The following CCDC178 variants were observed in gnomAD, a reference collection of about 807,000 sequenced individuals.
The protein encoded by CCDC178 is coiled-coil domain containing 178.
Under a neutral mutation model 117.4 loss-of-function variants are expected in CCDC178, and 126 were observed. That is an observed-to-expected ratio of 1.07 (90% CI 0.93 to 1.24). The LOEUF (loss-of-function observed/expected upper bound fraction) is 1.24, where lower values mean the gene tolerates loss of function less well. Ranked by LOEUF, CCDC178 falls within the 50% of genes most tolerant of loss-of-function variation. The probability of loss-of-function intolerance (pLI) is 0.00; values close to 1 mark genes in which losing one functional copy is unlikely to be tolerated. For synonymous variants in CCDC178, 283 were observed against 313.4 expected, an observed-to-expected ratio of 0.90 and a Z score of 1.02; for missense variants, 1,030 against 986.9, an observed-to-expected ratio of 1.04 and a Z score of -0.59.
chr18:33,158,681 A>G (rs922277755), intron 20 of CCDC178, among the ~76,000 whole-genome samples: 3 of 152,036 alleles, frequency 2.0e-5, no homozygotes, highest in Admixed American at 6.6e-5. Context: ...CTTTATTTCA[A>G]AGACAATGAT....
At chr18:33,421,799 G>A (rs974681414) in intron 2 of CCDC178, among the ~76,000 whole-genome samples, 2 of 152,150 alleles carry the variant, frequency 1.3e-5, no homozygotes, top group Non-Finnish European at 2.9e-5. Flanking sequence ...ACAGGGATAT[G>A]AGAATGAATA....
intron 21 of CCDC178, among the ~76,000 whole-genome samples, chr18:33,054,540 C>A (rs533906147): frequency 6.6e-6 from 1 of 152,134 alleles, no homozygotes; most frequent in Non-Finnish European, 1.5e-5. Context: ...TCTCTTCCTG[C>A]GTTAGTTTGA....
Position 33,150,458 on chromosome 18 carries a change from G to T in CCDC178, c.2239-57548C>A, listed in dbSNP as rs573557915. ...AACAGAATAAACAGACAATCTTGTG[G>T]GAGAAAATATTAGCAAACTATGCAT... On this transcript the variant is annotated intron_variant, in intron 20 of 22. Transcript: ENST00000383096. Among the ~76,000 whole-genome samples, 5 of 152,208 alleles carry T rather than the reference G, an allele frequency of 3.3e-5. No individual in the cohort carries two copies. In the South Asian group the frequency reaches 1.0e-3, roughly 32 times the overall value.
At chr18:33,317,253 C>T (rs922167735) in intron 11 of CCDC178, among the ~76,000 whole-genome samples, 7 of 152,080 alleles carry the variant, frequency 4.6e-5, no homozygotes, top group African/African-American at 1.2e-4. Context: ...AACGAGACCA[C>T]GAACCCACCA....
intron 20 of CCDC178, among the ~76,000 whole-genome samples, chr18:33,128,665 C>T (rs1446229495): frequency 1.3e-5 from 2 of 152,090 alleles, no homozygotes. Flanking sequence ...TCGAGATGTC[C>T]ATGACTGTGA....
chr18:33,408,552 G>A (rs2063811157), intron 3 of CCDC178, among the ~76,000 whole-genome samples: 1 of 151,806 alleles, frequency 6.6e-6, no homozygotes, highest in Admixed American at 6.6e-5. Context: ...ATGAGATTTG[G>A]AAGAGATGAG....
At chr18:33,154,156 A>T (rs532058835) in intron 20 of CCDC178, among the ~76,000 whole-genome samples, 20 of 152,300 alleles carry the variant, frequency 1.3e-4, no homozygotes, top group African/African-American at 4.8e-4. Flanking sequence ...AACAAAATAT[A>T]TGAAGGCACT....
Position 33,259,654 on chromosome 18 carries a change from C to A in CCDC178, c.1409+7262G>T, listed in dbSNP as rs1013257597. The stretch of plus-strand genomic sequence containing the variant: ...GTCTGCCCCCATGATTCAATCACCC[C>A]CCCCCACCAGTCCCTCTCCCAACAT... On this transcript the variant is annotated intron_variant, in intron 14 of 22. Coordinates refer to ENST00000383096, the MANE Select transcript of CCDC178 (RefSeq NM_001105528.4). 2.6e-5 allele frequency among the ~76,000 whole-genome samples: 4 copies of A among 152,208 alleles called. No homozygotes were observed. The South Asian group carries it at 8.3e-4, about 32-fold the overall frequency.
intron 21 of CCDC178, among the ~76,000 whole-genome samples, chr18:33,021,354 G>T (rs1191014385): frequency 6.6e-6 from 1 of 151,772 alleles, no homozygotes; most frequent in Non-Finnish European, 1.5e-5. Context: ...CATTTTCATT[G>T]TTACTGACTC....
intron 22 of CCDC178, chr18:32,954,204 C>T (rs990287847): frequency 2.0e-5 from 3 of 152,156 alleles, no homozygotes; most frequent in African/African-American, 7.2e-5. Context: ...TTCCTGAATA[C>T]TATCTCAGGT....
At chr18:33,215,790 T>A in intron 18 of CCDC178, 95 bp from the exon 19 acceptor site, 2 of 953,470 alleles carry the variant, frequency 2.1e-6, no homozygotes, top group Non-Finnish European at 3.0e-6. Context: ...TGTGAACAAC[T>A]AAAAGTTAAT....
At chr18:33,121,249 G>A (rs564693873) in intron 20 of CCDC178, among the ~76,000 whole-genome samples, 6 of 152,240 alleles carry the variant, frequency 3.9e-5, no homozygotes, top group South Asian at 2.1e-4. Flanking sequence ...AATGGGTAGC[G>A]TCAAAGGGCA....
At chr18:33,312,272 T>C (rs1202627220) in intron 11 of CCDC178, among the ~76,000 whole-genome samples, 1 of 152,068 alleles carries the variant, frequency 6.6e-6, no homozygotes, top group African/African-American at 2.4e-5. Flanking sequence ...TCAGTCCCCC[T>C]TTGCTTTCAA....
intron 21 of CCDC178, among the ~76,000 whole-genome samples, chr18:33,067,364 A>C (rs983324799): frequency 6.6e-6 from 1 of 152,228 alleles, no homozygotes; most frequent in Non-Finnish European, 1.5e-5. Context: ...CAGTGCTAAG[A>C]GGGAAGTTTA....
At chr18:33,209,548 C>CAT (rs1331961251) in intron 20 of CCDC178, among the ~76,000 whole-genome samples, 1 of 152,048 alleles carries the variant, frequency 6.6e-6, no homozygotes, top group African/African-American at 2.4e-5. Flanking sequence ...CTTTACATTA[C>CAT]ATACACATTT....
chr18:33,368,732 T>G (rs1270280451), intron 6 of CCDC178, among the ~76,000 whole-genome samples: 2 of 151,908 alleles, frequency 1.3e-5, no homozygotes, highest in East Asian at 3.9e-4. Flanking sequence ...TCCCTATCTA[T>G]CAATTAGGTA....
chr18:33,221,686 T>TAGAA (rs2059236558), intron 18 of CCDC178, among the ~76,000 whole-genome samples: 1 of 152,140 alleles, frequency 6.6e-6, no homozygotes, highest in Admixed American at 6.6e-5. Flanking sequence ...AAAAACCTTC[T>TAGAA]GCTTTAAGCT....
intron 20 of CCDC178, among the ~76,000 whole-genome samples, chr18:33,115,379 A>T (rs2057841661): frequency 6.6e-6 from 1 of 152,094 alleles, no homozygotes; most frequent in Admixed American, 6.6e-5. Flanking sequence ...TTATTGTAAG[A>T]GAATTTTATG....
chr18:33,402,853 G>A (rs1371803390), intron 3 of CCDC178, among the ~76,000 whole-genome samples: 2 of 152,096 alleles, frequency 1.3e-5, no homozygotes, highest in South Asian at 2.1e-4. Flanking sequence ...CTGCTGCACC[G>A]CCATGCCTGG....
Sources: allele counts gnomAD v4.1 joint callset (sites outside exome capture counted in the v4.1 genomes callset), GRCh38; gene constraint gnomAD v4.1.1; transcripts MANE v1.5; gene names NCBI Gene and HGNC (gene_info 2026-07-23, HGNC 2026-07-21).